The following ASPHD2 variants were observed in gnomAD, a reference collection of about 807,000 sequenced individuals.
ASPHD2 encodes aspartate beta-hydroxylase domain containing 2.
ASPHD2 carries 12 observed loss-of-function variants against 34.6 expected under a neutral mutation model. That is an observed-to-expected ratio of 0.35 (90% CI 0.22 to 0.56). The LOEUF is 0.56. Among genes scored for constraint, ASPHD2 ranks in the 20% least tolerant of loss-of-function variants. ASPHD2 has a pLI of 0.87. For synonymous variants in ASPHD2, 224 were observed against 212.2 expected, an observed-to-expected ratio of 1.06 and a Z score of -0.48; for missense variants, 375 against 505.0, an observed-to-expected ratio of 0.74 and a Z score of 2.47.
chr22:26,435,151 C>T (rs567610934), intron 2 of ASPHD2, among the ~76,000 whole-genome samples: 1 of 152,160 alleles, frequency 6.6e-6, no homozygotes, highest in Non-Finnish European at 1.5e-5. Context: ...AGCTGTGCTA[C>T]TGTAGGCAAG....
chr22:26,432,174 G>A (rs527565121), intron 1 of ASPHD2, among the ~76,000 whole-genome samples: 10 of 152,308 alleles, frequency 6.6e-5, no homozygotes, highest in Middle Eastern at 3.4e-3. Context: ...CAGCCTGGGC[G>A]ATAAGAGTGA....
At chr22:26,435,955 A>G (rs1455285645) in intron 2 of ASPHD2, among the ~76,000 whole-genome samples, 1 of 152,042 alleles carries the variant, frequency 6.6e-6, no homozygotes, top group Non-Finnish European at 1.5e-5. Context: ...ACTTCACAGG[A>G]TTGTTGAGAG....
chr22:26,434,861 G>C (rs1356676774), intron 2 of ASPHD2, among the ~76,000 whole-genome samples: 1 of 152,194 alleles, frequency 6.6e-6, no homozygotes, highest in Non-Finnish European at 1.5e-5. Flanking sequence ...AATTTAAATA[G>C]CAGTGACACA....
intron 2 of ASPHD2, among the ~76,000 whole-genome samples, chr22:26,440,154 G>A (rs11090442): frequency 0.38 from 57,375 of 151,928 alleles, 11,103 homozygotes; most frequent in South Asian, 0.47. Flanking sequence ...AGATGGCCAC[G>A]GTGGCCCCTT....
At chr22:26,437,687 T>C (rs999465613) in intron 2 of ASPHD2, among the ~76,000 whole-genome samples, 2 of 152,220 alleles carry the variant, frequency 1.3e-5, no homozygotes, top group African/African-American at 4.8e-5. Context: ...ATCAGATTTC[T>C]AGGTGGTCTA....
At chr22:26,430,678 T>G (rs2084751252) in intron 1 of ASPHD2, among the ~76,000 whole-genome samples, 1 of 152,216 alleles carries the variant, frequency 6.6e-6, no homozygotes, top group Admixed American at 6.5e-5. Flanking sequence ...TGTGTTTCTT[T>G]TATTGTCATA....
Position 26,434,377 on chromosome 22 carries a change from C to T in ASPHD2, c.762C>T (p.Leu254=), listed in dbSNP as rs746721354. 43 of 1,614,094 alleles carry T rather than the reference C, an allele frequency of 2.7e-5. No individual in the cohort carries two copies. The highest frequency in any genetic ancestry group is 3.3e-5 in the Non-Finnish European group (39 of 1,180,050). ...AGTGCCCACGGACGTACCGCTTGCT[C>T]GGAAGCCTTCGGACCTGTATTGGGA... is the stretch of plus-strand genomic sequence containing the variant. The part of the protein sequence containing the change: ...CRKCPRTYRL[L]GSLRTCIGNN... Residue 254 remains leucine (L), a synonymous_variant, in exon 2 of 4, where the codon CTC becomes CTT. Transcript: ENST00000215906.
intron 1 of ASPHD2, among the ~76,000 whole-genome samples, chr22:26,432,564 ATG>A (rs1045066476): frequency 5.9e-5 from 9 of 152,336 alleles, no homozygotes; most frequent in East Asian, 1.9e-4. Flanking sequence ...TATTAGGACA[ATG>A]AGAGTTCCGG....
chr22:26,439,503 A>G (rs2084822929), intron 2 of ASPHD2, among the ~76,000 whole-genome samples: 1 of 152,244 alleles, frequency 6.6e-6, no homozygotes, highest in Non-Finnish European at 1.5e-5. Flanking sequence ...GTCCAGTTTT[A>G]TAACAGCCTG....
At position 26,443,363 on chromosome 22, in the gene ASPHD2, T is replaced by C; in HGVS notation, c.*157T>C. ...TTTTATATCATGTCGGGTCCCTCTT[T>C]CCCTTGGTTATTGTAAATGGAAACT... On this transcript the variant is annotated 3_prime_UTR_variant, in exon 4 of 4. Coordinates refer to ENST00000215906, the MANE Select transcript of ASPHD2 (RefSeq NM_020437.5). 1.6e-6 allele frequency: 1 copy of C among 614,616 alleles called. No homozygotes were observed. The highest frequency in any genetic ancestry group is 2.8e-6 in the Non-Finnish European group (1 of 351,718). 38.1% of individuals were successfully genotyped at this position (614,616 alleles called of 1,614,324 possible). A position where few individuals can be genotyped will look rare whatever the true frequency, so the allele number is the denominator to read the frequency against.
At chr22:26,435,635 A>T (rs993508669) in intron 2 of ASPHD2, among the ~76,000 whole-genome samples, 1 of 152,180 alleles carries the variant, frequency 6.6e-6, no homozygotes, top group African/African-American at 2.4e-5. Context: ...CTTCACCCTC[A>T]GCAGCTCTGC....
Position 26,443,094 on chromosome 22 carries a change from C to A in ASPHD2, c.1001-3C>A, listed in dbSNP as rs768733964. On this transcript the variant is annotated splice_region_variant and splice_polypyrimidine_tract_variant and intron_variant, in intron 3 of 3. Transcript: ENST00000215906. Reference sequence around the variant, plus strand: ...TGTCCTCTCACCCCTCCTTCCCCCCCAGGTTCAGCAGAGGATGGCCCACGG... The same window carrying A: ...TGTCCTCTCACCCCTCCTTCCCCCCAAGGTTCAGCAGAGGATGGCCCACGG... 16 of 1,612,322 alleles carry A rather than the reference C, an allele frequency of 9.9e-6. No homozygotes were observed. Among genetic ancestry groups the A allele is most frequent in the East Asian group, 4.5e-5 (2 of 44,890 alleles).
At chr22:26,442,751 G>A (rs540963335) in intron 3 of ASPHD2, among the ~76,000 whole-genome samples, 179 bp downstream of exon 3, 1 of 152,242 alleles carries the variant, frequency 6.6e-6, no homozygotes, top group South Asian at 2.1e-4. Flanking sequence ...GTTCATGGTT[G>A]ACATTAAGGT....
Position 26,442,457 on chromosome 22 carries a change from A to G in ASPHD2, c.887-2A>G. ...CTCTCCTTTCTCTGGTTTTCCTACA[A>G]GGTCTGAAAACTCCAAATGGCTGTG... is the stretch of plus-strand genomic sequence containing the variant. On this transcript the variant is annotated splice_acceptor_variant, in intron 2 of 3. Transcript: ENST00000215906. LOFTEE classifies it high-confidence loss of function. 6.3e-7 allele frequency: 1 copy of G among 1,578,832 alleles called. No individual in the cohort carries two copies. The highest frequency in any genetic ancestry group is 8.6e-7 in the Non-Finnish European group (1 of 1,163,466).
chr22:26,432,163 C>G (rs2084760822), intron 1 of ASPHD2, among the ~76,000 whole-genome samples: 1 of 152,200 alleles, frequency 6.6e-6, no homozygotes, highest in Non-Finnish European at 1.5e-5. Context: ...CCATTGCACC[C>G]CAGCCTGGGC....
At chr22:26,442,946 CA>C in intron 3 of ASPHD2, 150 bp from the exon 4 acceptor site, 1 of 682,104 alleles carries the variant, frequency 1.5e-6, no homozygotes, top group East Asian at 2.5e-5. Flanking sequence ...TTTATGCTCT[CA>C]GTGAGAGAGG....
intron 1 of ASPHD2, among the ~76,000 whole-genome samples, chr22:26,430,378 T>C (rs1037320591): frequency 8.5e-5 from 13 of 152,178 alleles, no homozygotes; most frequent in African/African-American, 3.1e-4. Context: ...TGGCCATGGA[T>C]TTGGACTCAA....
intron 2 of ASPHD2, among the ~76,000 whole-genome samples, chr22:26,438,582 C>CATAT (rs1416623036): frequency 0.16 from 21,502 of 135,532 alleles, 2,370 homozygotes; most frequent in Non-Finnish European, 0.17. Flanking sequence ...CATATATATA[C>CATAT]ATACATATAT....
At chr22:26,437,895 TG>T (rs941666358) in intron 2 of ASPHD2, among the ~76,000 whole-genome samples, 1 of 152,154 alleles carries the variant, frequency 6.6e-6, no homozygotes, top group African/African-American at 2.4e-5. Context: ...AGGCCATGTG[TG>T]GGACCTGTCA....
Sources: allele counts gnomAD v4.1 joint callset (sites outside exome capture counted in the v4.1 genomes callset), GRCh38; gene constraint gnomAD v4.1.1; transcripts MANE v1.5; gene names NCBI Gene and HGNC (gene_info 2026-07-23, HGNC 2026-07-21).